PPP1R1C: variants seen among roughly 807,000 people sequenced by gnomAD.
PPP1R1C encodes the protein protein phosphatase 1 regulatory inhibitor subunit 1C, also known as protein phosphatase 1 regulatory subunit 1C.
PPP1R1C carries 15 observed loss-of-function variants against 17.4 expected under a neutral mutation model. The observed-to-expected ratio is 0.86, with a 90% CI of 0.58 to 1.33. The LOEUF (loss-of-function observed/expected upper bound fraction) is 1.33, where lower values mean the gene tolerates loss of function less well. Ranked by LOEUF, PPP1R1C falls within the 40% of genes most tolerant of loss-of-function variation. PPP1R1C has a pLI of 0.00. For missense variants in PPP1R1C, 143 were observed against 130.0 expected, an observed-to-expected ratio of 1.10 and a Z score of -0.48; for synonymous variants, 35 against 43.1, an observed-to-expected ratio of 0.81 and a Z score of 0.73.
At chr2:182,066,193 C>T (rs1051891297) in intron 4 of PPP1R1C, among the ~76,000 whole-genome samples, 2 of 152,122 alleles carry the variant, frequency 1.3e-5, no homozygotes, top group Non-Finnish European at 2.9e-5. Context: ...ACAGGTACAG[C>T]TTTCCATATT....
At chr2:182,085,837 C>T (rs1341068478) in intron 4 of PPP1R1C, among the ~76,000 whole-genome samples, 1 of 152,092 alleles carries the variant, frequency 6.6e-6, no homozygotes, top group African/African-American at 2.4e-5. Flanking sequence ...AAGCTAATCA[C>T]ATAACACACA....
At chr2:182,007,879 G>A (rs1685968788) in intron 2 of PPP1R1C, among the ~76,000 whole-genome samples, 1 of 152,198 alleles carries the variant, frequency 6.6e-6, no homozygotes, top group Non-Finnish European at 1.5e-5. Context: ...TGGCTAACAC[G>A]GTGAAACCCC....
rs1306297127 is a variant in PPP1R1C at position 182,063,744 on chromosome 2, C to T, written c.194C>T (p.Ser65Phe). ...PNTQGELQNA[S>F]PKQRKQSVYT... The stretch of plus-strand genomic sequence containing the variant: ...CTTTCTCCACAGTTACAGAATGCAT[C>T]CCCTAAGCAAAGGAAGCAGAGTGTG... Residue 65 changes from serine (S) to phenylalanine (F), a missense_variant, in exon 4 of 5, where the codon TCC becomes TTC. By Grantham distance (155) the Ser-to-Phe change is radical (BLOSUM62 -2). Coordinates refer to ENST00000682840, the MANE Select transcript of PPP1R1C (RefSeq NM_001080545.3). 3.1e-6 allele frequency: 5 copies of T among 1,612,612 alleles called. No individual in the cohort carries two copies. Among genetic ancestry groups the T allele is most frequent in the Non-Finnish European group, 4.2e-6 (5 of 1,178,898 alleles).
chr2:182,000,797 A>G (rs566804785), intron 2 of PPP1R1C, among the ~76,000 whole-genome samples: 1 of 152,270 alleles, frequency 6.6e-6, no homozygotes, highest in East Asian at 1.9e-4. Context: ...ATTTGCTCCA[A>G]TCGATTGCTC....
intron 2 of PPP1R1C, among the ~76,000 whole-genome samples, chr2:182,050,921 C>T (rs1687495415): frequency 6.6e-6 from 1 of 152,150 alleles, no homozygotes; most frequent in African/African-American, 2.4e-5. Context: ...TTTATTACAG[C>T]AGTCAACATT....
chr2:182,125,527 C>A (rs2195879), intron 5 of PPP1R1C, among the ~76,000 whole-genome samples: 36,864 of 151,908 alleles, frequency 0.24, 5,009 homozygotes, highest in African/African-American at 0.37. Context: ...CCATCTGGTC[C>A]TGGGCTTTTT....
chr2:182,077,793 G>T (rs1424389846), intron 4 of PPP1R1C, among the ~76,000 whole-genome samples: 15 of 152,136 alleles, frequency 9.9e-5, no homozygotes, highest in Admixed American at 6.5e-5. Context: ...GTGCTTATTA[G>T]ATCATTTTAA....
chr2:182,082,738 G>C (rs975474640), intron 4 of PPP1R1C, among the ~76,000 whole-genome samples: 1 of 152,106 alleles, frequency 6.6e-6, no homozygotes, highest in African/African-American at 2.4e-5. Context: ...AATATTACTA[G>C]AGGATCTCTC....
At chr2:182,022,721 T>C (rs537831448) in intron 2 of PPP1R1C, among the ~76,000 whole-genome samples, 1 of 152,328 alleles carries the variant, frequency 6.6e-6, no homozygotes, top group East Asian at 1.9e-4. Flanking sequence ...TAGTAGAAGC[T>C]TGAGAGACCA....
chr2:182,044,178 C>T (rs1383399836), intron 2 of PPP1R1C, among the ~76,000 whole-genome samples: 1 of 152,164 alleles, frequency 6.6e-6, no homozygotes, highest in Non-Finnish European at 1.5e-5. Flanking sequence ...ATGGACTCCT[C>T]CAATTCATTC....
At chr2:182,067,813 A>G (rs1369268845) in intron 4 of PPP1R1C, among the ~76,000 whole-genome samples, 4 of 152,182 alleles carry the variant, frequency 2.6e-5, no homozygotes, top group Non-Finnish European at 5.9e-5. Flanking sequence ...TTTTATTGGC[A>G]CAGGGGGAAG....
intron 4 of PPP1R1C, among the ~76,000 whole-genome samples, chr2:182,077,724 A>G (rs36029722): frequency 0.012 from 1,785 of 152,276 alleles, 15 homozygotes; most frequent in South Asian, 0.034. Flanking sequence ...CTACATAGGC[A>G]AGGAGGGTTG....
At chr2:182,086,981 C>A (rs1166103678) in intron 4 of PPP1R1C, among the ~76,000 whole-genome samples, 1 of 151,690 alleles carries the variant, frequency 6.6e-6, no homozygotes, top group African/African-American at 2.4e-5. Flanking sequence ...GCCTCTTCAT[C>A]CTTCTAGTTG....
At chr2:181,958,847 A>G (rs1684712711) in intron 1 of PPP1R1C, among the ~76,000 whole-genome samples, 1 of 152,174 alleles carries the variant, frequency 6.6e-6, no homozygotes, top group African/African-American at 2.4e-5. Flanking sequence ...CAATTATATA[A>G]CTGTTTCACT....
At chr2:182,092,480 G>A (rs1284259733) in intron 4 of PPP1R1C, among the ~76,000 whole-genome samples, 1 of 152,116 alleles carries the variant, frequency 6.6e-6, no homozygotes, top group African/African-American at 2.4e-5. Flanking sequence ...AGCCCATCAT[G>A]CCTTCCCAAC....
intron 2 of PPP1R1C, among the ~76,000 whole-genome samples, chr2:181,996,865 A>G (rs1243208474): frequency 6.6e-6 from 1 of 152,238 alleles, no homozygotes; most frequent in Non-Finnish European, 1.5e-5. Flanking sequence ...TTTTTAGAAT[A>G]CTTTGCCTCA....
intron 1 of PPP1R1C, among the ~76,000 whole-genome samples, chr2:181,970,845 G>A (rs1443513579): frequency 6.6e-6 from 1 of 152,098 alleles, no homozygotes; most frequent in East Asian, 1.9e-4. Flanking sequence ...CTCCTTCTGT[G>A]GCCACCACTG....
chr2:182,025,217 T>G (rs1344677253), intron 2 of PPP1R1C, among the ~76,000 whole-genome samples: 1 of 148,298 alleles, frequency 6.7e-6, no homozygotes, highest in African/African-American at 2.4e-5. Context: ...ATTTATTTAT[T>G]TTTATTATAC....
intron 4 of PPP1R1C, among the ~76,000 whole-genome samples, chr2:182,084,209 C>T (rs1050039781): frequency 3.9e-5 from 6 of 152,000 alleles, no homozygotes; most frequent in Non-Finnish European, 2.9e-5. Flanking sequence ...TTCTCCCATT[C>T]TGTGGGTTGT....
Sources: allele counts gnomAD v4.1 joint callset (sites outside exome capture counted in the v4.1 genomes callset), GRCh38; gene constraint gnomAD v4.1.1; transcripts MANE v1.5; gene names NCBI Gene and HGNC (gene_info 2026-07-23, HGNC 2026-07-21).